Variants in CACNB4 observed in about 807,000 individuals in gnomAD.
CACNB4 encodes the protein voltage-dependent L-type calcium channel subunit beta-4.
Under a neutral mutation model 71.2 loss-of-function variants are expected in CACNB4, and 32 were observed. The observed-to-expected ratio is 0.45, with a 90% CI of 0.34 to 0.60. The LOEUF is 0.60. Among genes scored for constraint, CACNB4 ranks in the 20% least tolerant of loss-of-function variants. CACNB4 has a pLI of 0.01. For missense variants in CACNB4, 464 were observed against 647.9 expected, an observed-to-expected ratio of 0.72 and a Z score of 3.08; for synonymous variants, 231 against 236.9, an observed-to-expected ratio of 0.97 and a Z score of 0.23.
intron 2 of CACNB4, among the ~76,000 whole-genome samples, chr2:152,004,200 G>A (rs976603531): frequency 1.3e-5 from 2 of 151,968 alleles, no homozygotes; most frequent in Non-Finnish European, 2.9e-5. Flanking sequence ...TAAGTAAGTC[G>A]GGTACCTGTG....
At chr2:152,004,532 TAC>T (rs5835400) in intron 2 of CACNB4, among the ~76,000 whole-genome samples, 16,658 of 149,312 alleles carry the variant, frequency 0.11, 1,541 homozygotes, top group East Asian at 0.44. Context: ...TTTACATACA[TAC>T]ACACACACAC....
intron 2 of CACNB4, among the ~76,000 whole-genome samples, chr2:151,897,419 T>C (rs1016487463): frequency 7.9e-5 from 12 of 152,200 alleles, no homozygotes; most frequent in African/African-American, 2.7e-4. Flanking sequence ...GGATTTTCTC[T>C]TCCCTTCCTC....
chr2:152,058,529 G>T (rs1050086844), intron 2 of CACNB4, among the ~76,000 whole-genome samples: 3 of 152,236 alleles, frequency 2.0e-5, no homozygotes, highest in Non-Finnish European at 4.4e-5. Context: ...CTCTTGCTGT[G>T]CTTTAGCAAA....
intron 2 of CACNB4, among the ~76,000 whole-genome samples, chr2:151,954,210 A>G (rs2099867633): frequency 6.6e-6 from 1 of 152,184 alleles, no homozygotes; most frequent in African/African-American, 2.4e-5. Context: ...CTCGTTCTAA[A>G]CCAGAGTGGC....
chr2:151,848,291 T>G (rs931451497), intron 12 of CACNB4, among the ~76,000 whole-genome samples: 2 of 152,216 alleles, frequency 1.3e-5, no homozygotes, highest in Non-Finnish European at 2.9e-5. Context: ...TTGGATCCCA[T>G]GTGGTCTTAT....
At chr2:152,014,981 T>C (rs1683263774) in intron 2 of CACNB4, among the ~76,000 whole-genome samples, 1 of 152,212 alleles carries the variant, frequency 6.6e-6, no homozygotes, top group African/African-American at 2.4e-5. Flanking sequence ...GAATGTGCTC[T>C]CTTGTACAAA....
rs1578401599 is a variant in CACNB4, at chr2:151,837,346, G to A, written c.*1773C>T. 2.0e-5 allele frequency: 3 copies of A among 152,070 alleles called. No individual in the cohort carries two copies. In the South Asian group the frequency reaches 6.2e-4, roughly 32 times the overall value. The allele number at this position is 152,070 out of a possible 1,614,324, so 9.4% of individuals were successfully genotyped here. On this transcript the variant is annotated 3_prime_UTR_variant, in exon 14 of 14. Coordinates refer to ENST00000539935, the MANE Select transcript of CACNB4 (RefSeq NM_000726.5). ...TACAAACACTGAACATAAATGCAGG[G>A]GGATGTGGTGAGGTTGTAATGGGGT...
At chr2:151,950,713 G>C (rs1342597314) in intron 2 of CACNB4, among the ~76,000 whole-genome samples, 2 of 152,190 alleles carry the variant, frequency 1.3e-5, no homozygotes, top group Non-Finnish European at 2.9e-5. Flanking sequence ...TGACTAAAAG[G>C]TCACATATTG....
At chr2:152,061,804 G>T (rs550103172) in intron 2 of CACNB4, among the ~76,000 whole-genome samples, 1 of 152,042 alleles carries the variant, frequency 6.6e-6, no homozygotes, top group South Asian at 2.1e-4. Context: ...CAGAGATCAG[G>T]AGTCCAAGAC....
In CACNB4 at chr2:152,069,476, C is replaced by T. The variant is rs548007455; in HGVS notation, c.147+28854G>A. Among the ~76,000 whole-genome samples, 3 of 150,706 alleles carry T rather than the reference C, an allele frequency of 2.0e-5. No homozygotes were observed. In the South Asian group the frequency reaches 6.3e-4, roughly 32 times the overall value. ...ACCCCCAACCAACCTCCCACTGAAT[C>T]TCATCACAAGCACATAAAGAACACG... On this transcript the variant is annotated intron_variant, in intron 2 of 13. Transcript: ENST00000539935.
In CACNB4 at chr2:151,838,075, TACTC is replaced by T. The variant is rs1165570195; in HGVS notation, c.*1040_*1043del. On this transcript the variant is annotated 3_prime_UTR_variant, in exon 14 of 14. Transcript: ENST00000539935. ...GAGACTGAGAGAAGCAATGGAAAGA[TACTC>T]AATCTTGTTGGCAGGAAATACAGAC... 1 of 152,196 alleles carries T rather than the reference TACTC, an allele frequency of 6.6e-6. No individual in the cohort carries two copies. The highest frequency in any genetic ancestry group is 2.4e-5 in the African/African-American group (1 of 41,460). 9.4% of individuals were successfully genotyped at this position (152,196 alleles called of 1,614,324 possible).
At chr2:151,844,193 A>G (rs1391608052) in intron 12 of CACNB4, among the ~76,000 whole-genome samples, 2 of 152,246 alleles carry the variant, frequency 1.3e-5, no homozygotes, top group African/African-American at 4.8e-5. Flanking sequence ...CAAGAAGCAT[A>G]AAGTGTGGTG....
intron 2 of CACNB4, among the ~76,000 whole-genome samples, chr2:151,976,452 T>C (rs969923354): frequency 6.6e-6 from 1 of 152,220 alleles, no homozygotes. Context: ...GTCACTTTTT[T>C]GGGGAAATTC....
intron 2 of CACNB4, among the ~76,000 whole-genome samples, chr2:152,013,626 G>A (rs1045817033): frequency 6.6e-5 from 10 of 152,120 alleles, no homozygotes; most frequent in Non-Finnish European, 1.5e-4. Flanking sequence ...CTGCACAAAA[G>A]CATGCCCCGT....
At chr2:151,894,168 G>A (rs1417898558) in intron 2 of CACNB4, among the ~76,000 whole-genome samples, 2 of 152,024 alleles carry the variant, frequency 1.3e-5, no homozygotes, top group East Asian at 3.9e-4. Context: ...CTCTAAAAAA[G>A]ATAAAAATAA....
In CACNB4 at chr2:151,855,299, G is replaced by A. The variant is rs1486363220; in HGVS notation, c.945C>T (p.Thr315=). 3 of 1,597,638 alleles carry A rather than the reference G, an allele frequency of 1.9e-6. No homozygotes were observed. The highest frequency in any genetic ancestry group is 2.2e-5 in the East Asian group (1 of 44,644). Residue 315 remains threonine (T), a synonymous_variant, in exon 11 of 14, where the codon ACC becomes ACT. Coordinates refer to ENST00000539935, the MANE Select transcript of CACNB4 (RefSeq NM_000726.5). The stretch of plus-strand genomic sequence containing the variant: ...TTATAAGTTGTGCTGGGTGATTGAT[G>A]GTGTCTGCATCAAGAACAACCAGTT... ...SLQLVVLDAD[T]INHPAQLIKT... is the part of the protein sequence containing the mutation.
chr2:152,052,658 T>C (rs138896387), intron 2 of CACNB4, among the ~76,000 whole-genome samples: 11 of 152,294 alleles, frequency 7.2e-5, no homozygotes, highest in Non-Finnish European at 1.3e-4. Flanking sequence ...TTCCTTGTTA[T>C]TGCCAAATAA....
At chr2:152,002,072 T>C (rs1682455401) in intron 2 of CACNB4, among the ~76,000 whole-genome samples, 1 of 152,204 alleles carries the variant, frequency 6.6e-6, no homozygotes, top group East Asian at 1.9e-4. Flanking sequence ...GCTCACAACC[T>C]TTCCGTGTGT....
At chr2:152,076,136 C>T (rs1438394566) in intron 2 of CACNB4, among the ~76,000 whole-genome samples, 10 of 71,190 alleles carry the variant, frequency 1.4e-4, no homozygotes, top group Admixed American at 4.2e-4. Context: ...CACCTCTTTT[C>T]TTTTTTTTTT....
Sources: allele counts gnomAD v4.1 joint callset (sites outside exome capture counted in the v4.1 genomes callset), GRCh38; gene constraint gnomAD v4.1.1; transcripts MANE v1.5; gene names NCBI Gene and HGNC (gene_info 2026-07-23, HGNC 2026-07-21).